The following STK24 variants were observed in gnomAD, a reference collection of about 807,000 sequenced individuals.
STK24 encodes serine/threonine-protein kinase 24.
STK24 carries 21 observed loss-of-function variants against 55.6 expected under a neutral mutation model. That is an observed-to-expected ratio of 0.38 (90% CI 0.27 to 0.54). STK24 has a LOEUF of 0.54. Ranked by LOEUF, STK24 falls within the 20% of genes least tolerant of loss-of-function variation. The pLI is 0.79. For synonymous variants in STK24, 200 were observed against 215.2 expected, an observed-to-expected ratio of 0.93 and a Z score of 0.62; for missense variants, 383 against 538.4, an observed-to-expected ratio of 0.71 and a Z score of 2.86.
At chr13:98,536,505 C>T (rs1197780428) in intron 1 of STK24, among the ~76,000 whole-genome samples, 1 of 152,082 alleles carries the variant, frequency 6.6e-6, no homozygotes, top group African/African-American at 2.4e-5. Context: ...GCTGAGACTA[C>T]AGATGTGTGC....
At chr13:98,508,392 G>A (rs1459977935) in intron 2 of STK24, among the ~76,000 whole-genome samples, 2 of 152,156 alleles carry the variant, frequency 1.3e-5, no homozygotes, top group Non-Finnish European at 2.9e-5. Context: ...AAACATAGTA[G>A]GAAATTTCAC....
In STK24 at chr13:98,555,565, T is replaced by C. The variant is rs902673343; in HGVS notation, c.42+21180A>G. ...CTGCACTCCAGCCTGGGCGACAGAG[T>C]GAGACTCCGTCTCAATAAAAAAAAT... is the stretch of plus-strand genomic sequence containing the variant. On this transcript the variant is annotated intron_variant, in intron 1 of 10. Transcript: ENST00000539966. Among the ~76,000 whole-genome samples, 14 of 150,760 alleles carry C rather than the reference T, an allele frequency of 9.3e-5. 1 individual carries two copies. The highest frequency in any genetic ancestry group is 8.6e-4 in the Admixed American group (13 of 15,090).
At chr13:98,567,990 A>G (rs1337264081) in intron 1 of STK24, among the ~76,000 whole-genome samples, 1 of 146,474 alleles carries the variant, frequency 6.8e-6, no homozygotes, top group African/African-American at 2.6e-5. Flanking sequence ...CCGGAGGTGC[A>G]GAAAACAGAG....
At chr13:98,459,836 T>C (rs1893625562) in intron 9 of STK24, among the ~76,000 whole-genome samples, 1 of 152,236 alleles carries the variant, frequency 6.6e-6, no homozygotes, top group South Asian at 2.1e-4. Flanking sequence ...TTATAAAGCC[T>C]ACTTTTGAAA....
At position 98,562,046 on chromosome 13, in the gene STK24, A is replaced by G. The variant is rs575012562; in HGVS notation, c.42+14699T>C. 2.6e-5 allele frequency among the ~76,000 whole-genome samples: 4 copies of G among 152,188 alleles called. No homozygotes were observed. The South Asian group carries it at 8.3e-4, about 32-fold the overall frequency. Reference sequence around the variant, plus strand: ...TTAAAGGAGGCACAGAAGTCAGTTAAGACAGTAAAACAATCATCATGAAAA... The same window carrying G: ...TTAAAGGAGGCACAGAAGTCAGTTAGGACAGTAAAACAATCATCATGAAAA... On this transcript the variant is annotated intron_variant, in intron 1 of 10. Transcript: ENST00000539966.
intron 1 of STK24, among the ~76,000 whole-genome samples, chr13:98,569,176 G>T (rs1897668929): frequency 6.6e-6 from 1 of 152,132 alleles, no homozygotes. Flanking sequence ...TGCTGGCAGG[G>T]CCTCCATCTT....
intron 2 of STK24, among the ~76,000 whole-genome samples, chr13:98,484,930 A>G (rs909862110): frequency 7.2e-5 from 11 of 152,166 alleles, no homozygotes; most frequent in South Asian, 2.1e-4. Context: ...GGCTACCCAG[A>G]CACAAGGCTC....
At chr13:98,493,058 T>C (rs1594608220) in intron 2 of STK24, among the ~76,000 whole-genome samples, 5 of 152,348 alleles carry the variant, frequency 3.3e-5, no homozygotes, top group Admixed American at 1.3e-4. Context: ...AGTACATCAA[T>C]TTATGAAAAC....
Position 98,463,409 on chromosome 13 carries a change from G to A in STK24, c.929+282C>T, listed in dbSNP as rs553358768. Reference sequence around the variant, plus strand: ...CAAACAGGAAGTTTAATGGAAAACAGAACAGAACAGAACGAAACAAAACAG... The same window carrying A: ...CAAACAGGAAGTTTAATGGAAAACAAAACAGAACAGAACGAAACAAAACAG... On this transcript the variant is annotated intron_variant, in intron 7 of 10. Transcript: ENST00000539966. 2.6e-5 allele frequency among the ~76,000 whole-genome samples: 4 copies of A among 152,290 alleles called. No individual in the cohort carries two copies. In the South Asian group the frequency reaches 8.3e-4, roughly 32 times the overall value.
Position 98,534,081 on chromosome 13 carries a change from G to A in STK24, c.43-14608C>T, listed in dbSNP as rs536272684. On this transcript the variant is annotated intron_variant, in intron 1 of 10. Coordinates refer to ENST00000539966, the MANE Select transcript of STK24 (RefSeq NM_001032296.4). Reference sequence around the variant, plus strand: ...ATCTCATCCACATCCTCCTCCAACCGCATGAGGCTTCATAGCAGAGGCAGC... The same window carrying A: ...ATCTCATCCACATCCTCCTCCAACCACATGAGGCTTCATAGCAGAGGCAGC... 7.9e-5 allele frequency among the ~76,000 whole-genome samples: 12 copies of A among 152,266 alleles called. 1 individual carries two copies. Among genetic ancestry groups the A allele is most frequent in the Admixed American group, 2.6e-4 (4 of 15,302 alleles).
intron 2 of STK24, among the ~76,000 whole-genome samples, chr13:98,494,744 T>C (rs1032643886): frequency 5.9e-5 from 9 of 152,220 alleles, no homozygotes; most frequent in African/African-American, 2.2e-4. Context: ...TGTAAATCAA[T>C]GTGTTCTTGA....
intron 2 of STK24, among the ~76,000 whole-genome samples, chr13:98,502,472 T>G (rs74242970): frequency 1.3e-5 from 2 of 152,170 alleles, no homozygotes; most frequent in African/African-American, 4.8e-5. Context: ...CCAAAATTCA[T>G]GGGTTGGAAA....
At chr13:98,498,917 A>C (rs1895344123) in intron 2 of STK24, among the ~76,000 whole-genome samples, 1 of 152,204 alleles carries the variant, frequency 6.6e-6, no homozygotes, top group Non-Finnish European at 1.5e-5. Flanking sequence ...TTCTGTCTCC[A>C]AGAAACCATT....
intron 1 of STK24, among the ~76,000 whole-genome samples, chr13:98,558,400 C>T (rs1344273599): frequency 2.6e-5 from 4 of 152,118 alleles, no homozygotes; most frequent in Non-Finnish European, 5.9e-5. Context: ...GGGGGTGCAG[C>T]AAAGAGGAAT....
At position 98,457,381 on chromosome 13, in the gene STK24, A is replaced by C. The variant is rs373742867; in HGVS notation, c.1123-77T>G. ...TGGGAAGCATGCTGTTCAAGGAACA[A>C]CACGGCGTGTGGACCACGACACTAC... On this transcript the variant is annotated intron_variant, in intron 9 of 10. Transcript: ENST00000539966. 2.2e-5 allele frequency: 35 copies of C among 1,604,586 alleles called. No homozygotes were observed. In the African/African-American group the frequency reaches 3.3e-4, roughly 15 times the overall value.
At chr13:98,535,398 TACACACACACACACACACAC>T (rs56768700) in intron 1 of STK24, among the ~76,000 whole-genome samples, 7 of 142,730 alleles carry the variant, frequency 4.9e-5, no homozygotes, top group African/African-American at 8.0e-5. Context: ...TATGTGTGTA[TACACACACACACACACACAC>T]ACACACACAC....
chr13:98,493,533 C>T (rs529544185), intron 2 of STK24, among the ~76,000 whole-genome samples: 4 of 152,198 alleles, frequency 2.6e-5, no homozygotes, highest in African/African-American at 9.6e-5. Context: ...GAGCAAACAT[C>T]ACAGTAAATG....
intron 1 of STK24, among the ~76,000 whole-genome samples, chr13:98,519,975 T>C (rs563651140): frequency 3.3e-5 from 5 of 152,232 alleles, no homozygotes; most frequent in Non-Finnish European, 7.3e-5. Context: ...TGAATAGTAC[T>C]GCCTTCACCA....
rs1337300415 is a variant in STK24, at chr13:98,566,399, C to A, written c.42+10346G>T. ...GGAATCTGACACGCCAGGGAGCAGG[C>A]AGTCGGGAGGAAGGAAAAGAACACA... On this transcript the variant is annotated intron_variant, in intron 1 of 10. Transcript: ENST00000539966. Among the ~76,000 whole-genome samples, 11 of 152,318 alleles carry A rather than the reference C, an allele frequency of 7.2e-5. No homozygotes were observed. The East Asian group carries it at 2.1e-3, about 29-fold the overall frequency.
Sources: allele counts gnomAD v4.1 joint callset (sites outside exome capture counted in the v4.1 genomes callset), GRCh38; gene constraint gnomAD v4.1.1; transcripts MANE v1.5; gene names NCBI Gene and HGNC (gene_info 2026-07-23, HGNC 2026-07-21).